The following EPHB1 variants were observed in gnomAD, a reference collection of about 807,000 sequenced individuals.
The protein encoded by EPHB1 is EPH receptor B1.
In EPHB1, 30 loss-of-function variants were observed where a neutral mutation model predicts 94.4. The observed-to-expected ratio is 0.32, with a 90% CI of 0.24 to 0.43. EPHB1 has a LOEUF of 0.43. Among genes scored for constraint, EPHB1 ranks in the 20% least tolerant of loss-of-function variants. The probability of loss-of-function intolerance (pLI) is 1.00; values close to 1 mark genes in which losing one functional copy is unlikely to be tolerated. For synonymous variants in EPHB1, 522 were observed against 489.1 expected (o/e 1.07, Z -0.89); for missense variants, 1,055 against 1,308.3 (o/e 0.81, Z 2.99).
intron 1 of EPHB1, among the ~76,000 whole-genome samples, chr3:134,798,332 G>C (rs1289870292): frequency 6.6e-6 from 1 of 152,198 alleles, no homozygotes; most frequent in Non-Finnish European, 1.5e-5. Context: ...CCCTGCCTGG[G>C]TGGAAGGAGG....
At chr3:135,099,188 C>T (rs548620355) in intron 3 of EPHB1, among the ~76,000 whole-genome samples, 17 of 152,136 alleles carry the variant, frequency 1.1e-4, no homozygotes, top group African/African-American at 3.1e-4. Context: ...CTCAATTAGC[C>T]GTAGAATGTG....
chr3:135,061,459 A>G (rs1937508435), intron 3 of EPHB1, among the ~76,000 whole-genome samples: 1 of 148,852 alleles, frequency 6.7e-6, no homozygotes, highest in Non-Finnish European at 1.5e-5. Flanking sequence ...GTGAGAACAT[A>G]CAATGTTTGG....
chr3:135,227,096 A>G (rs374559364), intron 12 of EPHB1, among the ~76,000 whole-genome samples: 37 of 152,352 alleles, frequency 2.4e-4, no homozygotes, highest in African/African-American at 8.9e-4. Flanking sequence ...CAATATACCC[A>G]TGTAATAATC....
intron 3 of EPHB1, 114 bp from the exon 4 acceptor site, chr3:135,106,334 G>T: frequency 8.6e-7 from 1 of 1,165,262 alleles, no homozygotes; most frequent in Admixed American, 2.1e-5. Flanking sequence ...CTTGGTACGA[G>T]AGGGGCATCT....
chr3:135,188,148 G>A (rs1246687431), intron 10 of EPHB1, among the ~76,000 whole-genome samples: 4 of 151,508 alleles, frequency 2.6e-5, no homozygotes, highest in African/African-American at 7.3e-5. Flanking sequence ...GCAGTGAACC[G>A]AGATCACATC....
intron 1 of EPHB1, among the ~76,000 whole-genome samples, chr3:134,912,260 G>A (rs1445060006): frequency 6.6e-6 from 1 of 152,214 alleles, no homozygotes; most frequent in Non-Finnish European, 1.5e-5. Flanking sequence ...TCTTACTCAT[G>A]TGCCATTGGC....
At chr3:135,197,684 C>T (rs1180321661) in intron 11 of EPHB1, among the ~76,000 whole-genome samples, 1 of 152,204 alleles carries the variant, frequency 6.6e-6, no homozygotes, top group African/African-American at 2.4e-5. Flanking sequence ...GCAATTTCAG[C>T]AGAAAGCACT....
chr3:134,892,324 C>T (rs1365324902), intron 1 of EPHB1, among the ~76,000 whole-genome samples: 4 of 152,154 alleles, frequency 2.6e-5, no homozygotes, highest in South Asian at 2.1e-4. Flanking sequence ...CATGCTTAGA[C>T]CCCAGAAATC....
intron 3 of EPHB1, among the ~76,000 whole-genome samples, chr3:135,048,697 C>G (rs924085861): frequency 6.6e-6 from 1 of 152,208 alleles, no homozygotes; most frequent in Non-Finnish European, 1.5e-5. Flanking sequence ...TGGCATCTAG[C>G]CACATCTGGC....
chr3:134,891,227 A>C (rs9846488), intron 1 of EPHB1, among the ~76,000 whole-genome samples: 69,988 of 152,098 alleles, frequency 0.46, 16,445 homozygotes, highest in Non-Finnish European at 0.49. Flanking sequence ...CTCCTACCTC[A>C]GTCTCCAGAG....
chr3:135,146,104 C>T (rs1392824003), intron 5 of EPHB1, among the ~76,000 whole-genome samples: 1 of 152,140 alleles, frequency 6.6e-6, no homozygotes, highest in Non-Finnish European at 1.5e-5. Flanking sequence ...AAGTGGAGAT[C>T]ACACCCCAAG....
intron 10 of EPHB1, among the ~76,000 whole-genome samples, chr3:135,182,779 T>C (rs1301849639): frequency 6.6e-6 from 1 of 152,198 alleles, no homozygotes; most frequent in Non-Finnish European, 1.5e-5. Flanking sequence ...CTTCCAGCAG[T>C]GGACATGCTA....
intron 3 of EPHB1, among the ~76,000 whole-genome samples, chr3:135,057,904 C>A (rs1294087153): frequency 3.9e-5 from 6 of 152,196 alleles, no homozygotes; most frequent in Admixed American, 3.9e-4. Flanking sequence ...TTTTAGCTCC[C>A]TTAGTTTAAG....
chr3:135,195,321 T>C (rs1942568954), intron 11 of EPHB1, among the ~76,000 whole-genome samples: 1 of 151,766 alleles, frequency 6.6e-6, no homozygotes, highest in African/African-American at 2.4e-5. Flanking sequence ...TCCTAGGGCC[T>C]GTTTTCTTTT....
chr3:135,059,304 T>G (rs1937429394), intron 3 of EPHB1, among the ~76,000 whole-genome samples: 2 of 152,258 alleles, frequency 1.3e-5, no homozygotes, highest in African/African-American at 4.8e-5. Context: ...GGAATTCAGG[T>G]GTCACTGAGA....
At chr3:135,051,441 C>G (rs1293665785) in intron 3 of EPHB1, among the ~76,000 whole-genome samples, 1 of 152,218 alleles carries the variant, frequency 6.6e-6, no homozygotes, top group Non-Finnish European at 1.5e-5. Flanking sequence ...CAAACTGCTT[C>G]CTATCACTCT....
At chr3:135,237,978 G>A (rs1030123497) in intron 12 of EPHB1, among the ~76,000 whole-genome samples, 1 of 152,060 alleles carries the variant, frequency 6.6e-6, no homozygotes, top group African/African-American at 2.4e-5. Flanking sequence ...CCACAGGGCT[G>A]GTCACCATCC....
chr3:135,009,946 A>G (rs181811936), intron 3 of EPHB1, among the ~76,000 whole-genome samples: 3 of 152,236 alleles, frequency 2.0e-5, no homozygotes, highest in Non-Finnish European at 2.9e-5. Context: ...ATGACAAAAA[A>G]CAATTACTTC....
At chr3:134,960,296 C>A (rs1301783272) in intron 3 of EPHB1, among the ~76,000 whole-genome samples, 2 of 152,150 alleles carry the variant, frequency 1.3e-5, no homozygotes, top group African/African-American at 4.8e-5. Context: ...GCAAACCACC[C>A]AGGAACAAGC....
Sources: gnomAD v4.1 joint callset for allele counts (sites outside exome capture counted in the v4.1 genomes callset) on GRCh38, gnomAD v4.1.1 for gene constraint, MANE v1.5 for transcripts, NCBI Gene and HGNC (gene_info 2026-07-23, HGNC 2026-07-21) for gene names.